FBXO48: variants seen among roughly 807,000 people sequenced by gnomAD.
FBXO48 encodes the protein F-box only protein 48.
Under a neutral mutation model 14.3 loss-of-function variants are expected in FBXO48, and 12 were observed. The observed-to-expected ratio is 0.84, with a 90% CI of 0.54 to 1.36. The LOEUF (loss-of-function observed/expected upper bound fraction) is 1.36. Among genes scored for constraint, FBXO48 ranks in the 40% most tolerant of loss-of-function variants. The probability of loss-of-function intolerance (pLI) is 0.00; values close to 1 mark genes in which losing one functional copy is unlikely to be tolerated. For synonymous variants in FBXO48, 53 were observed against 61.7 expected (o/e 0.86, Z 0.66); for missense variants, 177 against 179.1 (o/e 0.99, Z 0.07).
In FBXO48 at chr2:68,461,179, A is replaced by G. The variant is rs1675252406; in HGVS notation, c.*3030T>C. ...TTTGAATTAATTTAGGTAAGCAGAT[A>G]AGGAATGGCTGGGACCAGGGTCTGG... On this transcript the variant is annotated 3_prime_UTR_variant, in exon 4 of 4. Coordinates refer to ENST00000377957, the MANE Select transcript of FBXO48 (RefSeq NM_001024680.3). 1 of 152,220 alleles carries G rather than the reference A, an allele frequency of 6.6e-6. No individual in the cohort carries two copies. The highest frequency in any genetic ancestry group is 6.5e-5 in the Admixed American group (1 of 15,286). 9.4% of individuals were successfully genotyped at this position (152,220 alleles called of 1,614,324 possible).
chr2:68,464,781 C>A, intron 3 of FBXO48, 59 bp downstream of exon 3: 1 of 1,306,708 alleles, frequency 7.7e-7, no homozygotes, highest in South Asian at 1.3e-5. Flanking sequence ...TTAGAATTGG[C>A]GCAAACCTGC....
Position 68,459,485 on chromosome 2 carries a change from C to T in FBXO48, c.*4724G>A, listed in dbSNP as rs1354965912. On this transcript the variant is annotated 3_prime_UTR_variant, in exon 4 of 4. Transcript: ENST00000377957. ...AATAAAACAAAACATTTTTATTTTC[C>T]TATTTCCCTCTTACAGGTTTGGAGA... 4 of 152,062 alleles carry T rather than the reference C, an allele frequency of 2.6e-5. No individual in the cohort carries two copies. The highest frequency in any genetic ancestry group is 5.9e-5 in the Non-Finnish European group (4 of 68,002). The allele number at this position is 152,062 out of a possible 1,614,324, so 9.4% of individuals were successfully genotyped here.
In FBXO48 at chr2:68,464,874, A is replaced by AGGG. The variant is rs1675360289; in HGVS notation, c.271_272insCCC (p.Ile91delinsThrLeu). ...ATAACCACTTTCTAGATCATCATCT[A>AGGG]TTTCTCTTCGGCACACAGCTCTTAC... On this transcript the variant is annotated protein_altering_variant, in exon 3 of 4. Coordinates refer to ENST00000377957, the MANE Select transcript of FBXO48 (RefSeq NM_001024680.3). 1.9e-6 allele frequency: 3 copies of AGGG among 1,613,348 alleles called. No individual in the cohort carries two copies. The highest frequency in any genetic ancestry group is 1.7e-4 in the Middle Eastern group (1 of 6,060).
intron 2 of FBXO48, among the ~76,000 whole-genome samples, chr2:68,465,890 T>C (rs992468490): frequency 2.0e-5 from 3 of 152,222 alleles, no homozygotes; most frequent in African/African-American, 4.8e-5. Context: ...ACACAACTAC[T>C]ATCTGAAATG....
chr2:68,464,463 A>G (rs1675345840), intron 3 of FBXO48, 93 bp from the exon 4 acceptor site: 1 of 1,077,070 alleles, frequency 9.3e-7, no homozygotes, highest in African/African-American at 1.6e-5. Flanking sequence ...ACAGGGCTGA[A>G]AAAAAGAGTA....
chr2:68,463,828 T>A lies in FBXO48; in HGVS notation c.*381A>T, dbSNP rs1163240188. The A allele has an allele frequency of 6.2e-6, 1 of 162,536 alleles. No individual in the cohort carries two copies. The allele number at this position is 162,536 out of a possible 1,614,324, so 10.1% of individuals were successfully genotyped here. A position where few individuals can be genotyped will look rare whatever the true frequency, so the allele number is the denominator to read the frequency against. On this transcript the variant is annotated 3_prime_UTR_variant, in exon 4 of 4. Transcript: ENST00000377957. ...CCATGAGCCTAGTTATAACCACCAC[T>A]TAATGAATCTTTAAGTCAGTTTAAA...
chr2:68,461,282 G>GCTTTCTTTTT lies in FBXO48; in HGVS notation c.*2926_*2927insAAAAAGAAAG, dbSNP rs1675254902. 1 of 128,342 alleles carries GCTTTCTTTTT rather than the reference G, an allele frequency of 7.8e-6. No homozygotes were observed. Among genetic ancestry groups the GCTTTCTTTTT allele is most frequent in the Admixed American group, 7.3e-5 (1 of 13,782 alleles). 8.0% of individuals were successfully genotyped at this position (128,342 alleles called of 1,614,324 possible). A position where few individuals can be genotyped will look rare whatever the true frequency, so the allele number is the denominator to read the frequency against. On this transcript the variant is annotated 3_prime_UTR_variant, in exon 4 of 4. Coordinates refer to ENST00000377957, the MANE Select transcript of FBXO48 (RefSeq NM_001024680.3). ...ATTCTCTTACTTAAGATCCGTTTTC[G>GCTTTCTTTTT]TTTTCTTTTTTTTTTTTTTTTTTTT...
Position 68,462,362 on chromosome 2 carries a change from T to C in FBXO48, c.*1847A>G, listed in dbSNP as rs1675285603. 6.6e-6 allele frequency: 1 copy of C among 152,004 alleles called. No individual in the cohort carries two copies. The highest frequency in any genetic ancestry group is 1.5e-5 in the Non-Finnish European group (1 of 68,038). 9.4% of individuals were successfully genotyped at this position (152,004 alleles called of 1,614,324 possible). On this transcript the variant is annotated 3_prime_UTR_variant, in exon 4 of 4. Coordinates refer to ENST00000377957, the MANE Select transcript of FBXO48 (RefSeq NM_001024680.3). Reference sequence around the variant, plus strand: ...AAAATTAGTAGGATACCTTTCTTTCTTCCTTTTTTTTTGAGACGAAGTTTC... The same window carrying C: ...AAAATTAGTAGGATACCTTTCTTTCCTCCTTTTTTTTTGAGACGAAGTTTC...
rs1213632712 is a variant in FBXO48, at chr2:68,460,562, TA to T, written c.*3646del. The T allele has an allele frequency of 2.6e-5, 4 of 151,024 alleles. No individual in the cohort carries two copies. The highest frequency in any genetic ancestry group is 9.7e-5 in the African/African-American group (4 of 41,286). The allele number at this position is 151,024 out of a possible 1,614,324, so 9.4% of individuals were successfully genotyped here. ...TATATATATATATATATACTTATAC[TA>T]TCTTTGGATAAAAATCCAAAAGATA... On this transcript the variant is annotated 3_prime_UTR_variant, in exon 4 of 4. Transcript: ENST00000377957.
chr2:68,464,327 T>C lies in FBXO48; in HGVS notation c.350A>G (p.Glu117Gly). 1 of 1,613,918 alleles carries C rather than the reference T, an allele frequency of 6.2e-7. No homozygotes were observed. The highest frequency in any genetic ancestry group is 8.5e-7 in the Non-Finnish European group (1 of 1,179,952). Reference sequence around the variant, plus strand: ...GTTGCTGTATCTGCCACTTAGCCATTCGTGTTTCACTTTACTCTTCTGGTA... The same window carrying C: ...GTTGCTGTATCTGCCACTTAGCCATCCGTGTTTCACTTTACTCTTCTGGTA... ...RNYQKSKVKHEWLSGRYSNIC... is the reference protein window; with the variant it reads ...RNYQKSKVKHGWLSGRYSNIC... The change falls in exon 4 of 4, where the codon GAA becomes GGA. Residue 117 changes from glutamate (E) to glycine (G), a missense_variant. Transcript: ENST00000377957.
chr2:68,462,280 C>G lies in FBXO48; in HGVS notation c.*1929G>C, dbSNP rs1157743372. On this transcript the variant is annotated 3_prime_UTR_variant, in exon 4 of 4. Transcript: ENST00000377957. Reference sequence around the variant, plus strand: ...ATGCTATTCAGCAAAATGCTTATAGCTTTAATTTTTCCCATACTTTGAAAA... The same window carrying G: ...ATGCTATTCAGCAAAATGCTTATAGGTTTAATTTTTCCCATACTTTGAAAA... 6.6e-6 allele frequency: 1 copy of G among 152,156 alleles called. No homozygotes were observed. Among genetic ancestry groups the G allele is most frequent in the Non-Finnish European group, 1.5e-5 (1 of 68,032 alleles). The allele number at this position is 152,156 out of a possible 1,614,324, so 9.4% of individuals were successfully genotyped here. A position where few individuals can be genotyped will look rare whatever the true frequency, so the allele number is the denominator to read the frequency against.
chr2:68,460,148 G>A lies in FBXO48; in HGVS notation c.*4061C>T, dbSNP rs1272834723. The A allele has an allele frequency of 6.6e-6, 1 of 152,164 alleles. No individual in the cohort carries two copies. The highest frequency in any genetic ancestry group is 2.4e-5 in the African/African-American group (1 of 41,426). 9.4% of individuals were successfully genotyped at this position (152,164 alleles called of 1,614,324 possible). A position where few individuals can be genotyped will look rare whatever the true frequency, so the allele number is the denominator to read the frequency against. Reference sequence around the variant, plus strand: ...GGGGAATTTTGATTTCTACCTGTATGCAGTCAGGAGTTTAAGTTAGGGTGA... The same window carrying A: ...GGGGAATTTTGATTTCTACCTGTATACAGTCAGGAGTTTAAGTTAGGGTGA... On this transcript the variant is annotated 3_prime_UTR_variant, in exon 4 of 4. Transcript: ENST00000377957.
In FBXO48 at chr2:68,465,197, A is replaced by C. The variant is rs1394216219; in HGVS notation, c.-33-19T>G. 1.6e-6 allele frequency: 2 copies of C among 1,277,104 alleles called. No individual in the cohort carries two copies. Among genetic ancestry groups the C allele is most frequent in the Non-Finnish European group, 2.2e-6 (2 of 924,606 alleles). 79.1% of individuals were successfully genotyped at this position (1,277,104 alleles called of 1,614,324 possible). The stretch of plus-strand genomic sequence containing the variant: ...ATGTAACCTAAAAGGCAAAATTTAA[A>C]CATGCTCAGTCTCCAAATAGGAGTA... On this transcript the variant is annotated intron_variant, in intron 2 of 3. Coordinates refer to ENST00000377957, the MANE Select transcript of FBXO48 (RefSeq NM_001024680.3).
rs1408555084 is a variant in FBXO48 at position 68,463,178 on chromosome 2, A to AG, written c.*1030dup. 6.6e-6 allele frequency: 1 copy of AG among 152,184 alleles called. No individual in the cohort carries two copies. The highest frequency in any genetic ancestry group is 1.5e-5 in the Non-Finnish European group (1 of 68,042). The allele number at this position is 152,184 out of a possible 1,614,324, so 9.4% of individuals were successfully genotyped here. ...TGGATTCTTATATTTAATGCTATAGAGAACAGTTTTTAAGAAGAAAACCCC... is the reference window on the plus strand; with the variant it reads ...TGGATTCTTATATTTAATGCTATAGAGGAACAGTTTTTAAGAAGAAAACCCC... On this transcript the variant is annotated 3_prime_UTR_variant, in exon 4 of 4. Transcript: ENST00000377957.
chr2:68,464,406 G>C, intron 3 of FBXO48, 36 bp from the exon 4 acceptor site: 2 of 1,599,770 alleles, frequency 1.3e-6, no homozygotes, highest in East Asian at 4.5e-5. Context: ...AAAGACTGTA[G>C]TAGGTGGTTG....
chr2:68,465,147 G>T lies in FBXO48; in HGVS notation c.-2C>A. 6.3e-7 allele frequency: 1 copy of T among 1,593,058 alleles called. No homozygotes were observed. Among genetic ancestry groups the T allele is most frequent in the Non-Finnish European group, 8.6e-7 (1 of 1,168,426 alleles). On this transcript the variant is annotated 5_prime_UTR_variant, in exon 3 of 4. Transcript: ENST00000377957. ...GTTTCTCTTGGAGTTTTTATGCATAGCTTAATGTTTTAAGTTATCCTCATA... is the reference window on the plus strand; with the variant it reads ...GTTTCTCTTGGAGTTTTTATGCATATCTTAATGTTTTAAGTTATCCTCATA...
chr2:68,459,631 A>G lies in FBXO48; in HGVS notation c.*4578T>C, dbSNP rs571820516. The G allele has an allele frequency of 2.0e-4, 30 of 152,272 alleles. No individual in the cohort carries two copies. The highest frequency in any genetic ancestry group is 7.0e-4 in the African/African-American group (29 of 41,550). The allele number at this position is 152,272 out of a possible 1,614,324, so 9.4% of individuals were successfully genotyped here. A position where few individuals can be genotyped will look rare whatever the true frequency, so the allele number is the denominator to read the frequency against. ...ACAATATAGTAAATTATTTTTATAC[A>G]TTCTGTGTAGGATTAAAATAAATAA... is the stretch of plus-strand genomic sequence containing the variant. On this transcript the variant is annotated 3_prime_UTR_variant, in exon 4 of 4. Coordinates refer to ENST00000377957, the MANE Select transcript of FBXO48 (RefSeq NM_001024680.3).
chr2:68,460,411 T>C lies in FBXO48; in HGVS notation c.*3798A>G, dbSNP rs1675230940. ...GAGAATGATGGAGAAAAGTAAAATA[T>C]GGTGATTTTCTAACAGGACATGCCA... On this transcript the variant is annotated 3_prime_UTR_variant, in exon 4 of 4. Transcript: ENST00000377957. 1 of 152,046 alleles carries C rather than the reference T, an allele frequency of 6.6e-6. No individual in the cohort carries two copies. The highest frequency in any genetic ancestry group is 1.5e-5 in the Non-Finnish European group (1 of 68,002). 9.4% of individuals were successfully genotyped at this position (152,046 alleles called of 1,614,324 possible).
In FBXO48 at chr2:68,463,205, CACTA is replaced by C. The variant is rs1675312097; in HGVS notation, c.*1000_*1003del. 1 of 152,124 alleles carries C rather than the reference CACTA, an allele frequency of 6.6e-6. No individual in the cohort carries two copies. The highest frequency in any genetic ancestry group is 1.5e-5 in the Non-Finnish European group (1 of 68,024). The allele number at this position is 152,124 out of a possible 1,614,324, so 9.4% of individuals were successfully genotyped here. A position where few individuals can be genotyped will look rare whatever the true frequency, so the allele number is the denominator to read the frequency against. ...AACAGTTTTTAAGAAGAAAACCCCACACTAACTAAAGCAGTTTGTAGACACTTTT... is the reference window on the plus strand; with the variant it reads ...AACAGTTTTTAAGAAGAAAACCCCACACTAAAGCAGTTTGTAGACACTTTT... On this transcript the variant is annotated 3_prime_UTR_variant, in exon 4 of 4. Transcript: ENST00000377957.
Sources: gnomAD v4.1 joint callset for allele counts (sites outside exome capture counted in the v4.1 genomes callset) on GRCh38, gnomAD v4.1.1 for gene constraint, MANE v1.5 for transcripts, NCBI Gene and HGNC (gene_info 2026-07-23, HGNC 2026-07-21) for gene names.